The following COG5 variants were observed in gnomAD, a reference collection of about 807,000 sequenced individuals.
The protein encoded by COG5 is component of oligomeric golgi complex 5, also known as conserved oligomeric Golgi complex subunit 5.
COG5 carries 86 observed loss-of-function variants against 110.4 expected under a neutral mutation model. That is an observed-to-expected ratio of 0.78 (90% confidence interval 0.65 to 0.93). The LOEUF (loss-of-function observed/expected upper bound fraction) is 0.93, where lower values mean the gene tolerates loss of function less well. COG5 is among the 40% of genes least tolerant of loss of function. The pLI is 0.00. For synonymous variants in COG5, 360 were observed against 334.6 expected (o/e 1.08, Z -0.83); for missense variants, 1,077 against 987.0 (o/e 1.09, Z -1.22).
chr7:107,412,571 A>G lies in COG5; in HGVS notation c.600T>C (p.Phe200=). ...GIEVIENDLL[F]IARARLEVEN... ...CCACTTCAAGTCGGGCTCTTGCAATAAAAAGTAGATCATTTTCTATCACTT... is the reference window on the plus strand; with the variant it reads ...CCACTTCAAGTCGGGCTCTTGCAATGAAAAGTAGATCATTTTCTATCACTT... The change falls in exon 7 of 22, where the codon TTT becomes TTC. Residue 200 remains phenylalanine, a synonymous_variant. Coordinates refer to ENST00000297135, the MANE Select transcript of COG5 (RefSeq NM_006348.5). 6.2e-7 allele frequency: 1 copy of G among 1,608,284 alleles called. No homozygotes were observed. The highest frequency in any genetic ancestry group is 8.5e-7 in the Non-Finnish European group (1 of 1,175,296).
At chr7:107,281,205 A>C (rs1293424631) in intron 14 of COG5, 95 bp downstream of exon 14, 1 of 843,424 alleles carries the variant, frequency 1.2e-6, no homozygotes, top group Non-Finnish European at 1.9e-6. Context: ...GAAGTAAGTA[A>C]ATAGTCAATT....
At chr7:107,506,728 G>A (rs1799039795) in intron 6 of COG5, among the ~76,000 whole-genome samples, 1 of 152,104 alleles carries the variant, frequency 6.6e-6, no homozygotes, top group South Asian at 2.1e-4. Context: ...GGGAAAACAG[G>A]AACCACAGGT....
chr7:107,209,043 C>T, intron 21 of COG5: 1 of 982,896 alleles, frequency 1.0e-6, no homozygotes, highest in Non-Finnish European at 1.2e-6. Flanking sequence ...AGGAATTTTC[C>T]AAGCTATGTA....
intron 10 of COG5, among the ~76,000 whole-genome samples, chr7:107,326,693 C>T (rs1809795121): frequency 6.6e-6 from 1 of 152,070 alleles, no homozygotes; most frequent in Non-Finnish European, 1.5e-5. Context: ...GGTTGGAAGA[C>T]CTAATAATGT....
chr7:107,258,463 T>G, intron 14 of COG5, 80 bp from the exon 15 acceptor site: 1 of 608,980 alleles, frequency 1.6e-6, no homozygotes, highest in Non-Finnish European at 3.0e-6. Flanking sequence ...CACACACACA[T>G]ACACACACAC....
chr7:107,487,443 C>T (rs1042975172), intron 6 of COG5, among the ~76,000 whole-genome samples: 3 of 152,110 alleles, frequency 2.0e-5, no homozygotes, highest in Non-Finnish European at 4.4e-5. Context: ...CTCAAGCAAT[C>T]CTCTCACCTG....
intron 7 of COG5, among the ~76,000 whole-genome samples, chr7:107,399,707 G>C (rs1791287180): frequency 6.6e-6 from 1 of 152,182 alleles, no homozygotes; most frequent in Admixed American, 6.6e-5. Context: ...AAATTTGATA[G>C]AAGACTTACA....
intron 10 of COG5, among the ~76,000 whole-genome samples, chr7:107,346,136 C>A (rs1811581881): frequency 6.6e-6 from 1 of 152,014 alleles, no homozygotes. Flanking sequence ...GCTAGAAAAG[C>A]CTATTACTCT....
chr7:107,559,139 T>C (rs1803576280), intron 1 of COG5, among the ~76,000 whole-genome samples: 1 of 152,108 alleles, frequency 6.6e-6, no homozygotes, highest in Non-Finnish European at 1.5e-5. Context: ...TTATAGGTGT[T>C]ACTGAAATTT....
intron 10 of COG5, among the ~76,000 whole-genome samples, chr7:107,338,332 A>G (rs1037404493): frequency 5.9e-5 from 9 of 152,300 alleles, no homozygotes; most frequent in Admixed American, 1.3e-4. Flanking sequence ...GATAGCCCAG[A>G]AATAAACCCT....
Position 107,283,931 on chromosome 7 carries a change from C to CTTTTTTTTTTTTTTTT in COG5, c.1314-200_1314-199insAAAAAAAAAAAAAAAA, listed in dbSNP as rs71522833. Among the ~76,000 whole-genome samples, 337 of 142,466 alleles carry CTTTTTTTTTTTTTTTT rather than the reference C, an allele frequency of 2.4e-3. 3 individuals carry two copies. The highest frequency in any genetic ancestry group is 7.8e-3 in the Middle Eastern group (2 of 256). 93.5% of individuals were successfully genotyped at this position (142,466 alleles called of 152,430 possible). ...ATTAAACATTCAGGACCATAGTAACCTTTTTTTTTTTGAGACGTAGTCTCA... is the reference window on the plus strand; with the variant it reads ...ATTAAACATTCAGGACCATAGTAACCTTTTTTTTTTTTTTTTTTTTTTTTTTTGAGACGTAGTCTCA... On this transcript the variant is annotated intron_variant, in intron 12 of 21. Coordinates refer to ENST00000297135, the MANE Select transcript of COG5 (RefSeq NM_006348.5).
At chr7:107,401,823 T>C (rs936230768) in intron 7 of COG5, among the ~76,000 whole-genome samples, 1 of 152,182 alleles carries the variant, frequency 6.6e-6, no homozygotes, top group South Asian at 2.1e-4. Context: ...TGTTGGGTCA[T>C]AAGGGAAGGA....
chr7:107,414,739 T>C (rs1179612192), intron 6 of COG5, among the ~76,000 whole-genome samples: 5 of 118,904 alleles, frequency 4.2e-5, no homozygotes, highest in Admixed American at 9.3e-5. Flanking sequence ...TTTTTTTTTT[T>C]TTTTCCGAGA....
intron 19 of COG5, among the ~76,000 whole-genome samples, chr7:107,211,451 G>A (rs1799169948): frequency 6.6e-6 from 1 of 152,106 alleles, no homozygotes. Context: ...TTTGACCCCC[G>A]GTTCATTGGT....
At chr7:107,382,919 A>T (rs1175253076) in intron 7 of COG5, among the ~76,000 whole-genome samples, 2 of 152,200 alleles carry the variant, frequency 1.3e-5, no homozygotes, top group Non-Finnish European at 2.9e-5. Context: ...TGTAAATCAA[A>T]CAGCAGTCTC....
At chr7:107,382,151 C>G (rs1815181658) in intron 7 of COG5, among the ~76,000 whole-genome samples, 1 of 152,204 alleles carries the variant, frequency 6.6e-6, no homozygotes, top group South Asian at 2.1e-4. Flanking sequence ...TACTCAGTCC[C>G]TGTACAGGGT....
At chr7:107,335,738 T>A (rs1215989793) in intron 10 of COG5, among the ~76,000 whole-genome samples, 1 of 152,130 alleles carries the variant, frequency 6.6e-6, no homozygotes, top group Non-Finnish European at 1.5e-5. Flanking sequence ...CTACTTCACC[T>A]ACAAAGACAC....
chr7:107,344,816 G>A (rs969405216), intron 10 of COG5, among the ~76,000 whole-genome samples: 4 of 152,292 alleles, frequency 2.6e-5, no homozygotes, highest in South Asian at 4.1e-4. Flanking sequence ...GACCCACCGC[G>A]CCTGGCCGAC....
chr7:107,248,465 G>A lies in COG5; in HGVS notation c.1784C>T (p.Pro595Leu), dbSNP rs1271748949. Reference protein sequence around the residue: ...IHALMENAVQPLLTSVGDAIE... With the variant: ...IHALMENAVQLLLTSVGDAIE... ...AGCATCTCCCACAGAAGTGAGTAAG[G>A]GTTGCACAGCATTTTCCATAAGAGC... Residue 595 changes from proline (P) to leucine (L), a missense_variant, in exon 17 of 22, where the codon CCC (proline) becomes CTC (leucine). Transcript: ENST00000297135. 2 of 1,610,482 alleles carry A rather than the reference G, an allele frequency of 1.2e-6. No individual in the cohort carries two copies. The highest frequency in any genetic ancestry group is 2.2e-5 in the East Asian group (1 of 44,802).
Sources: allele counts gnomAD v4.1 joint callset (sites outside exome capture counted in the v4.1 genomes callset), GRCh38; gene constraint gnomAD v4.1.1; transcripts MANE v1.5; gene names NCBI Gene and HGNC (gene_info 2026-07-23, HGNC 2026-07-21).